The following CNIH3 variants were observed in gnomAD, a reference collection of about 807,000 sequenced individuals.
CNIH3 encodes the protein protein cornichon homolog 3.
Under a neutral mutation model 24.1 loss-of-function variants are expected in CNIH3, and 14 were observed. The observed-to-expected ratio is 0.58, with a 90% CI of 0.38 to 0.91. The LOEUF is 0.91. Ranked by LOEUF, CNIH3 falls within the 40% of genes least tolerant of loss-of-function variation. The pLI is 0.00. For synonymous variants in CNIH3, 68 were observed against 73.8 expected (o/e 0.92, Z 0.40); for missense variants, 178 against 196.8 (o/e 0.90, Z 0.57).
intron 3 of CNIH3, among the ~76,000 whole-genome samples, chr1:224,550,197 G>A (rs1396547817): frequency 1.3e-5 from 2 of 152,056 alleles, no homozygotes; most frequent in African/African-American, 2.4e-5. Flanking sequence ...ATGATATTAC[G>A]TTAATATCAC....
In CNIH3 at chr1:224,636,002, C is replaced by CT. The variant is rs918994952; in HGVS notation, c.81+18753dup. On this transcript the variant is annotated intron_variant, in intron 1 of 5. Transcript: ENST00000272133. ...GCACTGGGATTACTGCGTGAACCCT[C>CT]TTTTTTATATCAAAATACCAAGTGG... Among the ~76,000 whole-genome samples, 13 of 152,296 alleles carry CT rather than the reference C, an allele frequency of 8.5e-5. No homozygotes were observed. In the East Asian group the frequency reaches 2.3e-3, roughly 27 times the overall value.
chr1:224,513,125 G>T (rs1272706323), upstream of CNIH3, among the ~76,000 whole-genome samples: 2 of 151,952 alleles, frequency 1.3e-5, no homozygotes, highest in Admixed American at 1.3e-4. Context: ...CCTGCCCGCA[G>T]CCTGTGTCCC....
intron 3 of CNIH3, among the ~76,000 whole-genome samples, chr1:224,563,256 C>T (rs1680447365): frequency 1.3e-5 from 2 of 152,176 alleles, no homozygotes; most frequent in South Asian, 4.2e-4. Context: ...CTCAGGTATT[C>T]CTTTATAGCA....
intron 5 of CNIH3, among the ~76,000 whole-genome samples, chr1:224,736,549 A>G (rs954416943): frequency 9.9e-5 from 15 of 152,220 alleles, no homozygotes; most frequent in East Asian, 1.9e-4. Flanking sequence ...TACCTATTCA[A>G]ACTTTCCAGG....
At chr1:224,496,167 G>C (rs1474678906) in intron 1 of CNIH3, among the ~76,000 whole-genome samples, 3 of 152,142 alleles carry the variant, frequency 2.0e-5, no homozygotes, top group Non-Finnish European at 4.4e-5. Context: ...CAATACCCTA[G>C]AACTTCTGCT....
intron 1 of CNIH3, among the ~76,000 whole-genome samples, chr1:224,437,973 C>T (rs1297406279): frequency 4.0e-5 from 6 of 149,704 alleles, no homozygotes; most frequent in South Asian, 2.1e-4. Context: ...AGTGCAGTGG[C>T]GCGATCTTGG....
At chr1:224,592,300 A>C (rs1300300408), downstream of CNIH3, among the ~76,000 whole-genome samples, 1 of 152,208 alleles carries the variant, frequency 6.6e-6, no homozygotes, top group East Asian at 1.9e-4. Context: ...GGTCGAGCTT[A>C]GAGGAGTAAA....
chr1:224,723,293 G>A (rs1324493290), intron 3 of CNIH3, among the ~76,000 whole-genome samples: 2 of 152,172 alleles, frequency 1.3e-5, no homozygotes, highest in South Asian at 4.2e-4. Context: ...TGGGTGATCA[G>A]GAGCAATGGG....
At chr1:224,476,053 G>C (rs1360418772) in intron 1 of CNIH3, among the ~76,000 whole-genome samples, 1 of 152,118 alleles carries the variant, frequency 6.6e-6, no homozygotes, top group Non-Finnish European at 1.5e-5. Context: ...ATCCCTTCAT[G>C]ATAAAAATCC....
intron 1 of CNIH3, among the ~76,000 whole-genome samples, chr1:224,506,583 T>A (rs1362191789): frequency 6.6e-6 from 1 of 152,190 alleles, no homozygotes; most frequent in Non-Finnish European, 1.5e-5. Context: ...GCATCGTCCC[T>A]GTTCTAAGGG....
intron 1 of CNIH3, among the ~76,000 whole-genome samples, chr1:224,621,527 A>T (rs1185428049): frequency 2.0e-5 from 3 of 152,138 alleles, no homozygotes; most frequent in Non-Finnish European, 2.9e-5. Flanking sequence ...TCTACTTGTG[A>T]TGCCCCTGTC....
intron 1 of CNIH3, among the ~76,000 whole-genome samples, chr1:224,476,405 C>A (rs1676588926): frequency 6.6e-6 from 1 of 152,156 alleles, no homozygotes; most frequent in South Asian, 2.1e-4. Flanking sequence ...AATCATCATA[C>A]AAAAATCAGT....
intron 1 of CNIH3, among the ~76,000 whole-genome samples, chr1:224,621,521 C>T (rs927092112): frequency 2.6e-5 from 4 of 152,228 alleles, no homozygotes; most frequent in Non-Finnish European, 5.9e-5. Flanking sequence ...TTCTGTTCTA[C>T]TTGTGATGCC....
At chr1:224,533,681 TC>T (rs1483095912) in intron 2 of CNIH3, among the ~76,000 whole-genome samples, 1 of 152,152 alleles carries the variant, frequency 6.6e-6, no homozygotes, top group Non-Finnish European at 1.5e-5. Context: ...TGCCTTGTTA[TC>T]ATGTGGAGCT....
At chr1:224,706,379 G>A (rs530278923) in intron 3 of CNIH3, among the ~76,000 whole-genome samples, 3 of 152,182 alleles carry the variant, frequency 2.0e-5, no homozygotes, top group East Asian at 1.9e-4. Flanking sequence ...AGGCAATGAC[G>A]CACATAGCAT....
At chr1:224,544,272 A>G (rs901897740) in intron 2 of CNIH3, among the ~76,000 whole-genome samples, 1 of 152,186 alleles carries the variant, frequency 6.6e-6, no homozygotes, top group Non-Finnish European at 1.5e-5. Flanking sequence ...AGGGAGAAGG[A>G]AGCCTTACCT....
In CNIH3 at chr1:224,734,045, G is replaced by A. The variant is rs547759323; in HGVS notation, c.312-518G>A. ...TGCCGTCCAGGGCACGCTGTCTCCC[G>A]ACAGATGGCTGATGTTCTTTTTGAG... is the stretch of plus-strand genomic sequence containing the variant. On this transcript the variant is annotated intron_variant, in intron 4 of 5. Transcript: ENST00000272133. Among the ~76,000 whole-genome samples the A allele has an allele frequency of 7.7e-4, 117 of 152,346 alleles. 1 individual carries two copies. Among genetic ancestry groups the A allele is most frequent in the African/African-American group, 2.8e-3 (115 of 41,576 alleles).
chr1:224,475,755 C>T (rs1676565261), intron 1 of CNIH3, among the ~76,000 whole-genome samples: 1 of 152,086 alleles, frequency 6.6e-6, no homozygotes, highest in Non-Finnish European at 1.5e-5. Context: ...CACTATGAGG[C>T]CAGTATTACC....
chr1:224,567,621 G>T (rs1680633287), intron 4 of CNIH3, among the ~76,000 whole-genome samples: 1 of 152,156 alleles, frequency 6.6e-6, no homozygotes, highest in African/African-American at 2.4e-5. Context: ...TTGTGATGAT[G>T]CAGAGCACCC....
Sources: gnomAD v4.1 joint callset for allele counts (sites outside exome capture counted in the v4.1 genomes callset) on GRCh38, gnomAD v4.1.1 for gene constraint, MANE v1.5 for transcripts, NCBI Gene and HGNC (gene_info 2026-07-23, HGNC 2026-07-21) for gene names.